Variants in GRM7 observed in about 807,000 individuals in gnomAD.
The protein encoded by GRM7 is metabotropic glutamate receptor 7.
A neutral mutation model predicts 84.5 loss-of-function variants in GRM7; 35 were observed. The observed-to-expected ratio is 0.41, with a 90% confidence interval of 0.32 to 0.55. GRM7 has a LOEUF of 0.55. Among genes scored for constraint, GRM7 ranks in the 20% least tolerant of loss-of-function variants. The pLI is 0.19. For missense variants in GRM7, 1,003 were observed against 1,194.6 expected (o/e 0.84, Z 2.36); for synonymous variants, 487 against 455.1 (o/e 1.07, Z -0.89).
chr3:7,505,345 A>T (rs1166076905), intron 7 of GRM7, among the ~76,000 whole-genome samples: 1 of 152,176 alleles, frequency 6.6e-6, no homozygotes, highest in Non-Finnish European at 1.5e-5. Context: ...TGGCTCTACA[A>T]TTCTTGAGTC....
rs546200681 is a variant in GRM7, at chr3:7,031,561, C to G, written c.520-114891C>G. Among the ~76,000 whole-genome samples the G allele has an allele frequency of 2.0e-5, 3 of 151,980 alleles. No homozygotes were observed. The South Asian group carries it at 6.3e-4, about 32-fold the overall frequency. ...CCTCCCGAGTAGCTGGGACTACAGG[C>G]GCCCGCCACCACGCCCAGCTAATTT... On this transcript the variant is annotated intron_variant, in intron 1 of 9. Transcript: ENST00000357716.
intron 2 of GRM7, among the ~76,000 whole-genome samples, chr3:7,178,220 A>G (rs940103123): frequency 6.6e-6 from 1 of 152,246 alleles, no homozygotes; most frequent in Non-Finnish European, 1.5e-5. Context: ...TAATTAAATT[A>G]CTCTGAAAGT....
chr3:7,717,885 C>A (rs1701819412), intron 9 of GRM7, among the ~76,000 whole-genome samples: 1 of 152,230 alleles, frequency 6.6e-6, no homozygotes, highest in Non-Finnish European at 1.5e-5. Flanking sequence ...ACTGTGGCAT[C>A]AGAGGTATGG....
chr3:6,992,453 A>T (rs530438712), intron 1 of GRM7, among the ~76,000 whole-genome samples: 3 of 152,264 alleles, frequency 2.0e-5, no homozygotes, highest in African/African-American at 2.4e-5. Flanking sequence ...GGGTAAGGCC[A>T]CTCCTTCATA....
intron 1 of GRM7, among the ~76,000 whole-genome samples, chr3:7,047,471 G>A (rs1312039494): frequency 6.6e-6 from 1 of 152,036 alleles, no homozygotes; most frequent in Non-Finnish European, 1.5e-5. Flanking sequence ...TCTCACCAGT[G>A]GGAACCAAGA....
At chr3:7,652,031 GA>G (rs1358494324) in intron 8 of GRM7, among the ~76,000 whole-genome samples, 11 of 152,180 alleles carry the variant, frequency 7.2e-5, no homozygotes, top group Middle Eastern at 3.4e-3. Flanking sequence ...CATTTGGGGG[GA>G]AAAAATGGAA....
chr3:6,926,947 A>C lies in GRM7; in HGVS notation c.519+65040A>C, dbSNP rs373315852. Among the ~76,000 whole-genome samples, 154 of 152,348 alleles carry C rather than the reference A, an allele frequency of 1.0e-3. 1 individual carries two copies. Among genetic ancestry groups the C allele is most frequent in the African/African-American group, 3.5e-3 (145 of 41,592 alleles). Reference sequence around the variant, plus strand: ...TGGATGTAAATCATTGAGCCAAAATAGACTTTTAGAACTACTTTTCTTCTT... The same window carrying C: ...TGGATGTAAATCATTGAGCCAAAATCGACTTTTAGAACTACTTTTCTTCTT... On this transcript the variant is annotated intron_variant, in intron 1 of 9. Transcript: ENST00000357716.
At chr3:7,588,160 C>T (rs537946200) in intron 8 of GRM7, among the ~76,000 whole-genome samples, 1 of 151,970 alleles carries the variant, frequency 6.6e-6, no homozygotes, top group South Asian at 2.1e-4. Flanking sequence ...ATACAGCCTT[C>T]CTTGTTTTGG....
chr3:7,527,223 T>C (rs1460171605), intron 7 of GRM7, among the ~76,000 whole-genome samples: 1 of 151,996 alleles, frequency 6.6e-6, no homozygotes, highest in Non-Finnish European at 1.5e-5. Context: ...TATAGTTCTC[T>C]TTCTAGAGAT....
chr3:7,187,772 G>T (rs114354106), intron 2 of GRM7, among the ~76,000 whole-genome samples: 1 of 152,110 alleles, frequency 6.6e-6, no homozygotes, highest in African/African-American at 2.4e-5. Context: ...CAGTAACTCC[G>T]AAGTGTTGTC....
chr3:7,570,582 A>G (rs1409733159), intron 7 of GRM7, among the ~76,000 whole-genome samples: 2 of 152,074 alleles, frequency 1.3e-5, no homozygotes, highest in Non-Finnish European at 2.9e-5. Flanking sequence ...AGGCAGCTCC[A>G]CCCCTGTGGC....
At chr3:7,287,882 G>A (rs1699485584) in intron 2 of GRM7, among the ~76,000 whole-genome samples, 1 of 152,094 alleles carries the variant, frequency 6.6e-6, no homozygotes, top group Non-Finnish European at 1.5e-5. Context: ...TAAAGATGCT[G>A]AAAAATAGCA....
chr3:7,265,572 T>A (rs1309710271), intron 2 of GRM7, among the ~76,000 whole-genome samples: 1 of 152,168 alleles, frequency 6.6e-6, no homozygotes, highest in Non-Finnish European at 1.5e-5. Flanking sequence ...CAATGCTTAA[T>A]TTAAAATTTC....
chr3:6,892,066 C>T (rs1049960455), intron 1 of GRM7, among the ~76,000 whole-genome samples: 4 of 152,122 alleles, frequency 2.6e-5, no homozygotes, highest in African/African-American at 9.7e-5. Context: ...GTTCTCGAGC[C>T]TTGGCTTTCA....
chr3:7,403,471 A>G (rs1695538551), intron 4 of GRM7, among the ~76,000 whole-genome samples: 1 of 151,298 alleles, frequency 6.6e-6, no homozygotes, highest in African/African-American at 2.4e-5. Flanking sequence ...TCTATGTAGC[A>G]GAATATTACT....
chr3:7,333,286 C>G lies in GRM7; in HGVS notation c.1033+26634C>G, dbSNP rs1224143969. ...TACCTCCACCTGAGCAGGTGCTGGA[C>G]CTGAAGAGGGATCAAATTACAAGTC... On this transcript the variant is annotated intron_variant, in intron 4 of 9. Transcript: ENST00000357716. Among the ~76,000 whole-genome samples, 4 of 152,146 alleles carry G rather than the reference C, an allele frequency of 2.6e-5. No homozygotes were observed. The East Asian group carries it at 7.7e-4, about 29-fold the overall frequency.
intron 2 of GRM7, among the ~76,000 whole-genome samples, chr3:7,147,063 A>G (rs967308677): frequency 6.6e-6 from 1 of 152,164 alleles, no homozygotes; most frequent in Non-Finnish European, 1.5e-5. Flanking sequence ...CGTGAATGCA[A>G]TCACTGTGCC....
rs558860158 is a variant in GRM7 at position 7,405,767 on chromosome 3, T to C, written c.1034-9256T>C. On this transcript the variant is annotated intron_variant, in intron 4 of 9. Transcript: ENST00000357716. ...TTTTATGTGGCATGTGTCTGTGTTTTGCTTTATAGATGTATAAGGAATTAA... is the reference window on the plus strand; with the variant it reads ...TTTTATGTGGCATGTGTCTGTGTTTCGCTTTATAGATGTATAAGGAATTAA... Among the ~76,000 whole-genome samples the C allele has an allele frequency of 3.9e-5, 6 of 152,244 alleles. No homozygotes were observed. In the South Asian group the frequency reaches 1.2e-3, roughly 32 times the overall value.
chr3:7,025,511 A>C (rs1695949762), intron 1 of GRM7, among the ~76,000 whole-genome samples: 2 of 152,208 alleles, frequency 1.3e-5, no homozygotes, highest in South Asian at 4.1e-4. Context: ...GTGTCTTCAA[A>C]GTATGACATT....
Sources: gnomAD v4.1 joint callset for allele counts (sites outside exome capture counted in the v4.1 genomes callset) on GRCh38, gnomAD v4.1.1 for gene constraint, MANE v1.5 for transcripts, NCBI Gene and HGNC (gene_info 2026-07-23, HGNC 2026-07-21) for gene names.